The following NINJ2 variants were observed in gnomAD, a reference collection of about 807,000 sequenced individuals.
NINJ2 encodes the protein ninjurin 2.
A neutral mutation model predicts 11.7 loss-of-function variants in NINJ2; 12 were observed. The observed-to-expected ratio is 1.02, with a 90% confidence interval of 0.66 to 1.66. The LOEUF is 1.66. Ranked by LOEUF, NINJ2 falls within the 40% of genes most tolerant of loss-of-function variation. NINJ2 has a pLI of 0.00. For missense variants in NINJ2, 187 were observed against 181.8 expected (o/e 1.03, Z -0.16); for synonymous variants, 93 against 76.8 (o/e 1.21, Z -1.10).
In NINJ2 at chr12:629,896, A is replaced by AAAAAAAAAAAAAATAT; in HGVS notation, c.33+33431_33+33432insATATTTTTTTTTTTTT. Among the ~76,000 whole-genome samples the AAAAAAAAAAAAAATAT allele has an allele frequency of 3.8e-3, 38 of 9,874 alleles. 4 individuals carry two copies. The highest frequency in any genetic ancestry group is 9.0e-3 in the Non-Finnish European group (19 of 2,122). 6.5% of individuals were successfully genotyped at this position (9,874 alleles called of 152,430 possible). A position where few individuals can be genotyped will look rare whatever the true frequency, so the allele number is the denominator to read the frequency against. On this transcript the variant is annotated intron_variant, in intron 1 of 3. Coordinates refer to ENST00000305108, the MANE Select transcript of NINJ2 (RefSeq NM_016533.6). ...GAGCAAAACTCAAAAAAAAAAAAAA[A>AAAAAAAAAAAAAATAT]ATATATATATATATATATATATATA...
intron 3 of NINJ2, 147 bp from the exon 4 acceptor site, chr12:564,828 C>G (rs1947270023): frequency 6.3e-6 from 1 of 157,944 alleles, no homozygotes; most frequent in South Asian, 2.0e-4. Flanking sequence ...TTCTGCATTT[C>G]CAGCAAGTTC....
intron 1 of NINJ2, among the ~76,000 whole-genome samples, chr12:606,953 T>A (rs2120926297): frequency 6.6e-6 from 1 of 152,122 alleles, no homozygotes; most frequent in Non-Finnish European, 1.5e-5. Flanking sequence ...GACCAAGAGG[T>A]TCCTCCTGGC....
intron 1 of NINJ2, among the ~76,000 whole-genome samples, chr12:611,290 TCTTC>T (rs1203421543): frequency 4.6e-5 from 7 of 150,656 alleles, no homozygotes; most frequent in East Asian, 1.9e-4. Context: ...TCTTTCTTTC[TCTTC>T]CTTCCTTCCT....
At chr12:601,764 G>T (rs1947877463) in intron 1 of NINJ2, among the ~76,000 whole-genome samples, 1 of 152,264 alleles carries the variant, frequency 6.6e-6, no homozygotes, top group Non-Finnish European at 1.5e-5. Context: ...TACTCGGGAG[G>T]CTGAGGCAGG....
intron 1 of NINJ2, among the ~76,000 whole-genome samples, chr12:655,265 A>G (rs936704458): frequency 6.6e-6 from 1 of 152,230 alleles, no homozygotes; most frequent in Non-Finnish European, 1.5e-5. Flanking sequence ...AGTAAATGCA[A>G]TGTAGTTCCT....
intron 1 of NINJ2, among the ~76,000 whole-genome samples, chr12:650,563 G>A (rs1937772303): frequency 6.6e-6 from 1 of 152,108 alleles, no homozygotes; most frequent in African/African-American, 2.4e-5. Flanking sequence ...GCCGGGCGTG[G>A]TGGCGGGTGC....
intron 1 of NINJ2, among the ~76,000 whole-genome samples, chr12:570,021 G>A (rs1947355734): frequency 6.6e-6 from 1 of 152,212 alleles, no homozygotes; most frequent in Non-Finnish European, 1.5e-5. Context: ...CGGGATTAAT[G>A]GGAAACCTGG....
rs1010474400 is a variant in NINJ2, at chr12:639,405, G to C, written c.33+23923C>G. Among the ~76,000 whole-genome samples the C allele has an allele frequency of 3.9e-5, 6 of 152,174 alleles. No homozygotes were observed. In the East Asian group the frequency reaches 5.8e-4, roughly 15 times the overall value. On this transcript the variant is annotated intron_variant, in intron 1 of 3. Transcript: ENST00000305108. The stretch of plus-strand genomic sequence containing the variant: ...CCTAGGTCAGACAGCACAGCAAGGA[G>C]GTGGCAGACCCAGGATTCAAGCCTG...
intron 1 of NINJ2, among the ~76,000 whole-genome samples, chr12:657,988 C>CA (rs1937895370): frequency 3.7e-5 from 2 of 54,396 alleles, no homozygotes; most frequent in Non-Finnish European, 6.4e-5. Flanking sequence ...CCTACACAGG[C>CA]TTTTTTTTTT....
Position 614,565 on chromosome 12 carries a change from C to T in NINJ2, c.34-48387G>A, listed in dbSNP as rs560541813. Among the ~76,000 whole-genome samples, 1 of 152,304 alleles carries T rather than the reference C, an allele frequency of 6.6e-6. No homozygotes were observed. Among genetic ancestry groups the T allele is most frequent in the South Asian group, 2.1e-4 (1 of 4,826 alleles). ...GGCTCCCTCCCTCTGTCTTCTTCCC[C>T]TTGCATTCCCTACTTGCCTCTCTAC... On this transcript the variant is annotated intron_variant, in intron 1 of 3. Coordinates refer to ENST00000305108, the MANE Select transcript of NINJ2 (RefSeq NM_016533.6). This position sits in a 1 kb window ranked among gnomAD's most constrained non-coding sequence, Gnocchi z 5.1.
rs140306441 is a variant in NINJ2 at position 633,742 on chromosome 12, G to A, written c.33+29586C>T. Among the ~76,000 whole-genome samples the A allele has an allele frequency of 6.6e-6, 1 of 152,204 alleles. No homozygotes were observed. The highest frequency in any genetic ancestry group is 1.5e-5 in the Non-Finnish European group (1 of 68,032). ...AGGCAGGAGAATCATTTGAACCCAGGAGGTGGAGGTTGCAGTGAGCCAAGA... is the reference window on the plus strand; with the variant it reads ...AGGCAGGAGAATCATTTGAACCCAGAAGGTGGAGGTTGCAGTGAGCCAAGA... On this transcript the variant is annotated intron_variant, in intron 1 of 3. Coordinates refer to ENST00000305108, the MANE Select transcript of NINJ2 (RefSeq NM_016533.6). This position sits in a 1 kb window ranked among gnomAD's most constrained non-coding sequence, Gnocchi z 4.3.
intron 1 of NINJ2, among the ~76,000 whole-genome samples, chr12:587,708 C>A (rs546661199): frequency 6.6e-6 from 1 of 152,240 alleles, no homozygotes; most frequent in Admixed American, 6.5e-5. Flanking sequence ...TGGGGGTGGC[C>A]AGGGACCCTG....
At position 610,495 on chromosome 12, in the gene NINJ2, C is replaced by T. The variant is rs886250481; in HGVS notation, c.34-44317G>A. ...AAGGGTCAGCGAGCACAGCCTTCTG[C>T]CCCCGTGGGTCCCCACAGCGGCCAG... On this transcript the variant is annotated intron_variant, in intron 1 of 3. Transcript: ENST00000305108. 3.3e-6 allele frequency: 5 copies of T among 1,523,076 alleles called. No individual in the cohort carries two copies. The African/African-American group carries it at 5.5e-5, about 17-fold the overall frequency. The allele number at this position is 1,523,076 out of a possible 1,614,324, so 94.3% of individuals were successfully genotyped here. A position where few individuals can be genotyped will look rare whatever the true frequency, so the allele number is the denominator to read the frequency against.
rs1477535248 is a variant in NINJ2 at position 653,020 on chromosome 12, T to TTC, written c.33+10307_33+10308insGA. ...ATATACAAAGTAATATTTTGTTTCT[T>TTC]TTTTTTTTTTTTTTTTTTGAGATGG... On this transcript the variant is annotated intron_variant, in intron 1 of 3. Transcript: ENST00000305108. Among the ~76,000 whole-genome samples the TTC allele has an allele frequency of 5.9e-4, 81 of 136,960 alleles. 1 individual carries two copies. Among genetic ancestry groups the TTC allele is most frequent in the African/African-American group, 1.8e-3 (68 of 37,156 alleles). 89.9% of individuals were successfully genotyped at this position (136,960 alleles called of 152,430 possible).
rs900123054 is a variant in NINJ2, at chr12:611,269, C to A, written c.34-45091G>T. Among the ~76,000 whole-genome samples, 177 of 146,972 alleles carry A rather than the reference C, an allele frequency of 1.2e-3. 1 individual carries two copies. Among genetic ancestry groups the A allele is most frequent in the African/African-American group, 4.3e-3 (170 of 39,930 alleles). ...TTTCTCTCTCTCTCTTTCTTTCTTT[C>A]TTTCTCTCTCTCTTTCTTTCTCTTC... On this transcript the variant is annotated intron_variant, in intron 1 of 3. Coordinates refer to ENST00000305108, the MANE Select transcript of NINJ2 (RefSeq NM_016533.6).
Position 619,342 on chromosome 12 carries a change from C to T in NINJ2, c.33+43986G>A, listed in dbSNP as rs542720885. ...GAAAAGGCAGAAGCTATGTTAATGG[C>T]CAAAGAGAACATGCTTTAGAAGGAA... On this transcript the variant is annotated intron_variant, in intron 1 of 3. Transcript: ENST00000305108. Among the ~76,000 whole-genome samples the T allele has an allele frequency of 3.2e-4, 48 of 152,218 alleles. No homozygotes were observed. The Middle Eastern group carries it at 0.01, about 32-fold the overall frequency.
chr12:616,624 C>T (rs1480701921), intron 1 of NINJ2, among the ~76,000 whole-genome samples: 1 of 152,186 alleles, frequency 6.6e-6, no homozygotes, highest in Non-Finnish European at 1.5e-5. Context: ...AGGAAAGAGG[C>T]CACGATGCCA....
chr12:643,757 G>T, intron 1 of NINJ2: 1 of 830,788 alleles, frequency 1.2e-6, no homozygotes, highest in Non-Finnish European at 1.5e-6. Flanking sequence ...CTCACATCAT[G>T]GGAGCAGTCA....
At chr12:574,969 A>G (rs1421839170) in intron 1 of NINJ2, among the ~76,000 whole-genome samples, 1 of 152,250 alleles carries the variant, frequency 6.6e-6, no homozygotes, top group Non-Finnish European at 1.5e-5. Flanking sequence ...TTAAACAAAT[A>G]TGAGATGAGA....
Sources: allele counts gnomAD v4.1 joint callset (sites outside exome capture counted in the v4.1 genomes callset), GRCh38; gene constraint gnomAD v4.1.1; non-coding constraint Gnocchi (gnomAD v3.1); transcripts MANE v1.5; gene names NCBI Gene and HGNC (gene_info 2026-07-23, HGNC 2026-07-21).